Variants in MARCHF8 observed in about 807,000 individuals in gnomAD.
The protein encoded by MARCHF8 is E3 ubiquitin-protein ligase MARCHF8.
MARCHF8 carries 40 observed loss-of-function variants against 51.6 expected under a neutral mutation model. The ratio of observed to expected loss-of-function variants is 0.77; its 90% CI spans 0.60 to 1.01. The LOEUF (loss-of-function observed/expected upper bound fraction) is 1.01, where lower values mean the gene tolerates loss of function less well. Ranked by LOEUF, MARCHF8 falls within the 50% of genes least tolerant of loss-of-function variation. The probability of loss-of-function intolerance (pLI) is 0.00; values close to 1 mark genes in which losing one functional copy is unlikely to be tolerated. For missense variants in MARCHF8, 685 were observed against 708.6 expected (o/e 0.97, Z 0.38); for synonymous variants, 263 against 280.3 (o/e 0.94, Z 0.62).
At chr10:45,546,214 G>A (rs974718426) in intron 1 of MARCHF8, among the ~76,000 whole-genome samples, 5 of 151,856 alleles carry the variant, frequency 3.3e-5, no homozygotes, top group African/African-American at 1.2e-4. Flanking sequence ...AGGCTGGAGT[G>A]CAGTGGTGCA....
chr10:45,567,833 T>G (rs2044382152), intron 1 of MARCHF8, among the ~76,000 whole-genome samples: 1 of 152,212 alleles, frequency 6.6e-6, no homozygotes, highest in Non-Finnish European at 1.5e-5. Flanking sequence ...GTCATTGATA[T>G]TTTGGTAGGG....
chr10:45,551,883 G>C (rs936420798), intron 1 of MARCHF8, among the ~76,000 whole-genome samples: 1 of 149,484 alleles, frequency 6.7e-6, no homozygotes, highest in African/African-American at 2.5e-5. Context: ...ACACCCTATT[G>C]GTTTTGTTTC....
chr10:45,575,058 G>GA (rs2044474052), intron 1 of MARCHF8, among the ~76,000 whole-genome samples: 1 of 151,764 alleles, frequency 6.6e-6, no homozygotes, highest in South Asian at 2.1e-4. Flanking sequence ...CTTTACTTCT[G>GA]AAGGAAGCTG....
intron 2 of MARCHF8, among the ~76,000 whole-genome samples, chr10:45,521,359 T>C (rs185764343): frequency 1.3e-5 from 2 of 152,342 alleles, no homozygotes; most frequent in East Asian, 3.8e-4. Flanking sequence ...TGATTTTTAT[T>C]CCCTAGAACA....
chr10:45,540,621 G>A (rs1221023837), intron 1 of MARCHF8, among the ~76,000 whole-genome samples: 1 of 152,168 alleles, frequency 6.6e-6, no homozygotes, highest in Non-Finnish European at 1.5e-5. Context: ...TACCATCAAA[G>A]TGAACAGGCA....
chr10:45,527,895 T>C (rs149441213), intron 2 of MARCHF8, among the ~76,000 whole-genome samples: 306 of 152,196 alleles, frequency 2.0e-3, no homozygotes, highest in African/African-American at 7.0e-3. Flanking sequence ...TCAAAAAACA[T>C]GGTACACCAC....
rs574366236 is a variant in MARCHF8, at chr10:45,511,821, G to T, written c.102+21289C>A. Among the ~76,000 whole-genome samples, 11 of 151,888 alleles carry T rather than the reference G, an allele frequency of 7.2e-5. No homozygotes were observed. In the East Asian group the frequency reaches 2.2e-3, roughly 30 times the overall value. Reference sequence around the variant, plus strand: ...AGTGCCGAGATTGCAGCCTCTGCCCGGCCGCCACCCCGTCTGGGAAGTGAG... The same window carrying T: ...AGTGCCGAGATTGCAGCCTCTGCCCTGCCGCCACCCCGTCTGGGAAGTGAG... On this transcript the variant is annotated intron_variant, in intron 2 of 7. Coordinates refer to ENST00000453424, the MANE Select transcript of MARCHF8 (RefSeq NM_001282866.2).
intron 2 of MARCHF8, among the ~76,000 whole-genome samples, chr10:45,532,727 C>T (rs985310704): frequency 1.3e-5 from 2 of 152,198 alleles, no homozygotes; most frequent in Non-Finnish European, 2.9e-5. Context: ...CATTTTGTTA[C>T]AGCAGCTAGG....
intron 3 of MARCHF8, among the ~76,000 whole-genome samples, chr10:45,469,598 G>A (rs1280182979): frequency 6.6e-6 from 1 of 152,292 alleles, no homozygotes; most frequent in East Asian, 1.9e-4. Context: ...AGGCGCGGTG[G>A]CTCACGCCTG....
At chr10:45,503,314 G>A (rs188588006) in intron 2 of MARCHF8, among the ~76,000 whole-genome samples, 2 of 152,154 alleles carry the variant, frequency 1.3e-5, no homozygotes, top group African/African-American at 2.4e-5. Context: ...GAGGCGGGCA[G>A]ATCACGAGGT....
chr10:45,524,646 G>A (rs17157885), intron 2 of MARCHF8, among the ~76,000 whole-genome samples: 9,387 of 152,264 alleles, frequency 0.062, 330 homozygotes, highest in Non-Finnish European at 0.066. Flanking sequence ...CTAAAAGACA[G>A]TAACTAGAAT....
chr10:45,588,771 G>A (rs1000649024), intron 1 of MARCHF8, among the ~76,000 whole-genome samples: 2 of 151,998 alleles, frequency 1.3e-5, no homozygotes, highest in African/African-American at 2.4e-5. Flanking sequence ...GGCCAAGGTG[G>A]GTGGATCACG....
At chr10:45,510,217 A>T (rs1337363351) in intron 2 of MARCHF8, among the ~76,000 whole-genome samples, 2 of 152,168 alleles carry the variant, frequency 1.3e-5, no homozygotes, top group African/African-American at 4.8e-5. Context: ...GAAACTGCAC[A>T]CTGCGAGACC....
intron 3 of MARCHF8, among the ~76,000 whole-genome samples, chr10:45,476,129 G>A (rs1226287248): frequency 6.6e-6 from 1 of 152,154 alleles, no homozygotes; most frequent in Non-Finnish European, 1.5e-5. Flanking sequence ...CAGACGTGCA[G>A]AGATTAACAT....
chr10:45,456,451 CAGG>C lies in MARCHF8; in HGVS notation c.*1785_*1787del, dbSNP rs1485125527. On this transcript the variant is annotated 3_prime_UTR_variant, in exon 8 of 8. Transcript: ENST00000453424. ...GAATCAGACACTGGCTTGGAGGAGA[CAGG>C]AGGACAAAGCCTGCTGCTATTAAGC... 1 of 152,252 alleles carries C rather than the reference CAGG, an allele frequency of 6.6e-6. No individual in the cohort carries two copies. The highest frequency in any genetic ancestry group is 2.4e-5 in the African/African-American group (1 of 41,422). The allele number at this position is 152,252 out of a possible 1,614,324, so 9.4% of individuals were successfully genotyped here. A position where few individuals can be genotyped will look rare whatever the true frequency, so the allele number is the denominator to read the frequency against.
chr10:45,592,835 T>C (rs1408809385), intron 1 of MARCHF8, among the ~76,000 whole-genome samples: 2 of 152,230 alleles, frequency 1.3e-5, no homozygotes, highest in Admixed American at 1.3e-4. Flanking sequence ...AGTTACACTT[T>C]AATTTCAGAC....
intron 1 of MARCHF8, among the ~76,000 whole-genome samples, chr10:45,584,035 A>G (rs1412017884): frequency 6.8e-6 from 1 of 147,396 alleles, no homozygotes; most frequent in Non-Finnish European, 1.5e-5. Context: ...AAAGGAGGAA[A>G]GGAAAGAATC....
At chr10:45,565,205 T>A (rs1047626340) in intron 1 of MARCHF8, among the ~76,000 whole-genome samples, 12 of 151,632 alleles carry the variant, frequency 7.9e-5, no homozygotes, top group African/African-American at 2.9e-4. Context: ...CCAAGGGGGG[T>A]GAATCACTTG....
chr10:45,542,601 T>C (rs1418653216), intron 1 of MARCHF8, among the ~76,000 whole-genome samples: 1 of 152,132 alleles, frequency 6.6e-6, no homozygotes, highest in African/African-American at 2.4e-5. Context: ...ATTTCTAAAT[T>C]CTAAAATATT....
Sources: allele counts gnomAD v4.1 joint callset (sites outside exome capture counted in the v4.1 genomes callset), GRCh38; gene constraint gnomAD v4.1.1; transcripts MANE v1.5; gene names NCBI Gene and HGNC (gene_info 2026-07-23, HGNC 2026-07-21).